Variants in CUX1 observed in about 807,000 individuals in gnomAD.
CUX1 encodes cut like homeobox 1, also known as protein CASP.
CUX1 carries 31 observed loss-of-function variants against 158.8 expected under a neutral mutation model. The ratio of observed to expected loss-of-function variants is 0.20; its 90% CI spans 0.15 to 0.26. The LOEUF is 0.26. Among genes scored for constraint, CUX1 ranks in the 10% least tolerant of loss-of-function variants. CUX1 has a pLI of 1.00. For missense variants in CUX1, 1,589 were observed against 2,014.6 expected, an observed-to-expected ratio of 0.79 and a Z score of 4.04; for synonymous variants, 879 against 862.1, an observed-to-expected ratio of 1.02 and a Z score of -0.34.
Position 102,253,233 on chromosome 7 carries a change from T to C in CUX1, c.*4191T>C. Reference sequence around the variant, plus strand: ...TGCAGCAGAGCTCTGGGTTAAATATTCCTTTCTGGCCACCGCCCAAGCCCA... The same window carrying C: ...TGCAGCAGAGCTCTGGGTTAAATATCCCTTTCTGGCCACCGCCCAAGCCCA... On this transcript the variant is annotated 3_prime_UTR_variant, in exon 24 of 24. Transcript: ENST00000292535. 5 of 985,466 alleles carry C rather than the reference T, an allele frequency of 5.1e-6. No individual in the cohort carries two copies. Among genetic ancestry groups the C allele is most frequent in the Non-Finnish European group, 6.0e-6 (5 of 829,964 alleles). 61.0% of individuals were successfully genotyped at this position (985,466 alleles called of 1,614,324 possible). A position where few individuals can be genotyped will look rare whatever the true frequency, so the allele number is the denominator to read the frequency against.
chr7:101,853,584 G>GGGGTGTGTGTGTGTGTGT (rs754780783), intron 1 of CUX1, among the ~76,000 whole-genome samples: 4 of 140,788 alleles, frequency 2.8e-5, no homozygotes, highest in African/African-American at 1.1e-4. Flanking sequence ...CAATAGAAAG[G>GGGGTGTGTGTGTGTGTGT]GTGTGTGTGT....
At chr7:102,216,568 CCA>C (rs1186856307) in intron 20 of CUX1, among the ~76,000 whole-genome samples, 23 of 73,114 alleles carry the variant, frequency 3.1e-4, no homozygotes, top group South Asian at 1.1e-3. Context: ...ACACACACTC[CCA>C]CACACACACT....
intron 3 of CUX1, among the ~76,000 whole-genome samples, chr7:102,030,691 G>GTTTTTTTTTTTTTTTTTTGTTTTTTGT (rs71119801): frequency 1.7e-5 from 2 of 119,386 alleles, no homozygotes; most frequent in African/African-American, 3.1e-5. Flanking sequence ...TTTAAAAAGT[G>GTTTTTTTTTTTTTTTTTTGTTTTTTGT]TTTTTTTTTT....
At chr7:102,117,502 C>T (rs1462560912) in intron 8 of CUX1, among the ~76,000 whole-genome samples, 2 of 150,408 alleles carry the variant, frequency 1.3e-5, no homozygotes, top group Non-Finnish European at 2.9e-5. Context: ...TTTGAATGAG[C>T]CAGAGCGGGG....
intron 1 of CUX1, among the ~76,000 whole-genome samples, chr7:101,883,379 C>T (rs909971688): frequency 1.3e-5 from 2 of 152,030 alleles, no homozygotes; most frequent in Non-Finnish European, 2.9e-5. Context: ...GTTGGCTTGC[C>T]TGAGATTTTC....
At chr7:102,110,880 A>G (rs909034520) in intron 6 of CUX1, among the ~76,000 whole-genome samples, 3 of 152,312 alleles carry the variant, frequency 2.0e-5, no homozygotes, top group East Asian at 3.9e-4. Context: ...AAGGAATAGT[A>G]AGACTCTTTC....
intron 1 of CUX1, among the ~76,000 whole-genome samples, chr7:101,832,946 TA>T (rs1212635674): frequency 3.9e-5 from 6 of 151,910 alleles, no homozygotes; most frequent in African/African-American, 1.2e-4. Context: ...AGGAGCTGCT[TA>T]GGGGTGGGAG....
intron 1 of CUX1, among the ~76,000 whole-genome samples, chr7:101,890,428 C>T (rs181810846): frequency 4.0e-5 from 6 of 151,738 alleles, no homozygotes; most frequent in African/African-American, 9.7e-5. Context: ...GTCCCCCCCT[C>T]CACCCCCGCC....
chr7:102,145,266 C>T (rs1288350640), intron 8 of CUX1, among the ~76,000 whole-genome samples: 2 of 151,732 alleles, frequency 1.3e-5, no homozygotes, highest in Admixed American at 6.6e-5. Context: ...GATTCTCCAC[C>T]CCACTGCTGA....
At chr7:102,026,932 T>C (rs544577879) in intron 2 of CUX1, among the ~76,000 whole-genome samples, 1 of 152,148 alleles carries the variant, frequency 6.6e-6, no homozygotes, top group African/African-American at 2.4e-5. Flanking sequence ...CTCAGTTACT[T>C]CATTTTAAAT....
rs781844951 is a variant in CUX1 at position 102,256,816 on chromosome 7, G to C, written c.*7774G>C. 1.6e-5 allele frequency: 16 copies of C among 985,358 alleles called. No individual in the cohort carries two copies. Among genetic ancestry groups the C allele is most frequent in the Non-Finnish European group, 1.9e-5 (16 of 829,956 alleles). 61.0% of individuals were successfully genotyped at this position (985,358 alleles called of 1,614,324 possible). A position where few individuals can be genotyped will look rare whatever the true frequency, so the allele number is the denominator to read the frequency against. ...TGGCCAAGACTTTACCTCCAAGCGA[G>C]AGAGTGATTTCTTGCAAGGCCCGCA... On this transcript the variant is annotated 3_prime_UTR_variant, in exon 24 of 24. Transcript: ENST00000292535.
chr7:102,246,830 A>G (rs1586426676), intron 23 of CUX1, among the ~76,000 whole-genome samples: 1 of 152,178 alleles, frequency 6.6e-6, no homozygotes, highest in Non-Finnish European at 1.5e-5. Context: ...TCAGCCTCCC[A>G]AAGTGCTGGG....
chr7:101,817,360 G>T (rs868747944), upstream of CUX1: 3 of 984,594 alleles, frequency 3.0e-6, no homozygotes, highest in Non-Finnish European at 3.6e-6. The surrounding 1 kb of genome is among the most constrained non-coding windows in gnomAD (Gnocchi z 4.1). Context: ...CGGCGGGTGC[G>T]CTCGGAGATG....
At chr7:101,873,876 C>T (rs1014919928) in intron 1 of CUX1, among the ~76,000 whole-genome samples, 31 of 152,220 alleles carry the variant, frequency 2.0e-4, no homozygotes, top group African/African-American at 6.8e-4. Context: ...TGAGCTACCG[C>T]GTCCTGCCAG....
At chr7:102,119,294 G>A (rs1448917878) in intron 8 of CUX1, among the ~76,000 whole-genome samples, 2 of 23,950 alleles carry the variant, frequency 8.4e-5, no homozygotes, top group East Asian at 2.4e-4. Context: ...TCCCTCTCCC[G>A]TTTTGGAGAG....
chr7:102,068,844 A>C (rs901954261), intron 3 of CUX1, among the ~76,000 whole-genome samples: 2 of 152,180 alleles, frequency 1.3e-5, no homozygotes, highest in Non-Finnish European at 2.9e-5. Context: ...TTGTCTCAGC[A>C]AGTGTGTAGG....
chr7:102,233,109 T>C (rs1799167867), intron 21 of CUX1, among the ~76,000 whole-genome samples: 1 of 152,138 alleles, frequency 6.6e-6, no homozygotes, highest in Non-Finnish European at 1.5e-5. Flanking sequence ...CTTAGAGATT[T>C]CACTGCCTCT....
At chr7:101,841,705 C>G (rs1359853739) in intron 1 of CUX1, among the ~76,000 whole-genome samples, 1 of 151,826 alleles carries the variant, frequency 6.6e-6, no homozygotes, top group Non-Finnish European at 1.5e-5. Context: ...GTATAGGCGT[C>G]CCTGCCACCA....
chr7:101,972,891 G>C (rs912095676), intron 2 of CUX1, among the ~76,000 whole-genome samples: 1 of 152,188 alleles, frequency 6.6e-6, no homozygotes. Flanking sequence ...TGAGGGAGTC[G>C]TGACTTTCTG....
Sources: gnomAD v4.1 joint callset for allele counts (sites outside exome capture counted in the v4.1 genomes callset) on GRCh38, gnomAD v4.1.1 for gene constraint, Gnocchi (gnomAD v3.1) non-coding constraint, MANE v1.5 for transcripts, NCBI Gene and HGNC (gene_info 2026-07-23, HGNC 2026-07-21) for gene names.